Variants in ZNF324B observed in about 807,000 individuals in gnomAD.
ZNF324B encodes zinc finger protein 324B.
A neutral mutation model predicts 10.6 loss-of-function variants in ZNF324B; 7 were observed. The observed-to-expected ratio is 0.66, with a 90% CI of 0.38 to 1.24. The LOEUF is 1.24. Ranked by LOEUF, ZNF324B falls within the 50% of genes most tolerant of loss-of-function variation. The probability of loss-of-function intolerance (pLI) is 0.02; values close to 1 mark genes in which losing one functional copy is unlikely to be tolerated. For synonymous variants in ZNF324B, 316 were observed against 321.0 expected (o/e 0.98, Z 0.17); for missense variants, 640 against 764.7 (o/e 0.84, Z 1.92).
chr19:58,434,925 G>T, the ZNF324B span: 3 of 1,614,138 alleles, frequency 1.9e-6, no homozygotes, highest in South Asian at 3.3e-5. Flanking sequence ...CCCTGTCCTT[G>T]TACCATCTAA....
chr19:58,433,717 C>T, the ZNF324B span: 8 of 1,612,474 alleles, frequency 5.0e-6, no homozygotes, highest in Non-Finnish European at 5.9e-6. Flanking sequence ...GAATTTCCCA[C>T]ATTCATTGCA....
the ZNF324B span, among the ~76,000 whole-genome samples, chr19:58,424,744 A>G: frequency 1.3e-5 from 2 of 151,940 alleles, no homozygotes; most frequent in Middle Eastern, 3.4e-3. Flanking sequence ...GGGCAGGAGG[A>G]TCTTTTGAGC....
At chr19:58,445,394 T>G in the ZNF324B span, 2 of 518,248 alleles carry the variant, frequency 3.9e-6, no homozygotes, top group South Asian at 2.8e-5. Context: ...CCTCTATGAG[T>G]GCAGCCAGCA....
At chr19:58,454,510 T>C in intron 3 of ZNF324B, 166 bp downstream of exon 3, 1 of 607,356 alleles carries the variant, frequency 1.6e-6, no homozygotes, top group Non-Finnish European at 3.0e-6. Flanking sequence ...TAGGTGCCCT[T>C]GAAGGGAGAG....
chr19:58,455,249 C>G lies in ZNF324B; in HGVS notation c.305C>G (p.Pro102Arg), dbSNP rs745545576. The change falls in exon 4 of 4, where the codon CCA becomes CGA. Residue 102 changes from proline (P) to arginine (R), a missense_variant. By Grantham distance (103) the Pro-to-Arg change is moderately radical. Coordinates refer to ENST00000336614, the MANE Select transcript of ZNF324B (RefSeq NM_207395.3). This position sits in a 1 kb window ranked among gnomAD's most constrained non-coding sequence, Gnocchi z 7.0. ...GEWPRAFPDT[P>R]PGMTTSVFPV... ...TGGCCACGAGCTTTCCCAGATACCC[C>G]ACCTGGGATGACTACTAGCGTCTTC... 1.2e-6 allele frequency: 2 copies of G among 1,614,066 alleles called. No individual in the cohort carries two copies. Among genetic ancestry groups the G allele is most frequent in the African/African-American group, 2.7e-5 (2 of 74,920 alleles).
At chr19:58,427,355 T>C in the ZNF324B span, among the ~76,000 whole-genome samples, 3 of 51,076 alleles carry the variant, frequency 5.9e-5, no homozygotes, top group East Asian at 1.5e-3. Flanking sequence ...CTTTCCTTTC[T>C]TTCTTTCTTT....
At chr19:58,435,511 G>C in the ZNF324B span, 13 of 271,048 alleles carry the variant, frequency 4.8e-5, no homozygotes, top group Middle Eastern at 4.2e-4. Flanking sequence ...CATATGAAAA[G>C]AAGTTCAGCA....
At chr19:58,434,394 A>G in the ZNF324B span, 9 of 1,614,256 alleles carry the variant, frequency 5.6e-6, no homozygotes, top group Non-Finnish European at 7.6e-6. Context: ...TCCCACATTC[A>G]TCACACTCAT....
chr19:58,447,995 G>A (rs538812731), upstream of ZNF324B, among the ~76,000 whole-genome samples: 18 of 152,304 alleles, frequency 1.2e-4, no homozygotes, highest in Admixed American at 5.2e-4. Context: ...AGGCCTCCCA[G>A]CCACATGGAA....
At position 58,455,495 on chromosome 19, in the gene ZNF324B, TGCCTGGGAGGCAGCCCAGGAC is replaced by T. The variant is rs750095661; in HGVS notation, c.557_577del (p.Gly186_Pro192del). Reference sequence around the variant, plus strand: ...GAAAAGACCTTCACAGAGTACCGGGTGCCTGGGAGGCAGCCCAGGACGCCTGAGCGGCAGAAGCCATGTGCA... The same window carrying T: ...GAAAAGACCTTCACAGAGTACCGGGTGCCTGAGCGGCAGAAGCCATGTGCA... On this transcript the variant is annotated inframe_deletion, in exon 4 of 4. Transcript: ENST00000336614. This position sits in a 1 kb window ranked among gnomAD's most constrained non-coding sequence, Gnocchi z 7.0. 5 of 1,613,796 alleles carry T rather than the reference TGCCTGGGAGGCAGCCCAGGAC, an allele frequency of 3.1e-6. No homozygotes were observed. Among genetic ancestry groups the T allele is most frequent in the Non-Finnish European group, 4.2e-6 (5 of 1,179,940 alleles).
chr19:58,432,439 G>A, the ZNF324B span: 1 of 396,578 alleles, frequency 2.5e-6, no homozygotes, highest in South Asian at 1.9e-5. Context: ...ATGTGCCCTA[G>A]TTCACCAGTC....
At chr19:58,439,763 G>A in the ZNF324B span, 10 of 1,542,098 alleles carry the variant, frequency 6.5e-6, no homozygotes, top group African/African-American at 6.9e-5. Context: ...ACTTACCTGC[G>A]CCGGGCCCAT....
chr19:58,448,733 A>T (rs1227514397), upstream of ZNF324B, among the ~76,000 whole-genome samples: 1 of 152,188 alleles, frequency 6.6e-6, no homozygotes, highest in Non-Finnish European at 1.5e-5. Flanking sequence ...TCTCAAAAAA[A>T]ATAAAAATAA....
chr19:58,426,286 G>T, the ZNF324B span, among the ~76,000 whole-genome samples: 1 of 152,210 alleles, frequency 6.6e-6, no homozygotes, highest in African/African-American at 2.4e-5. Flanking sequence ...GGACAACATT[G>T]TCTGCCATCC....
chr19:58,427,358 CTTTCTTTCTTT>C, the ZNF324B span, among the ~76,000 whole-genome samples: 29 of 55,208 alleles, frequency 5.3e-4, no homozygotes, highest in African/African-American at 1.1e-3. Flanking sequence ...TCCTTTCTTT[CTTTCTTTCTTT>C]CTTTCTTTCT....
the ZNF324B span, chr19:58,434,221 C>T: frequency 1.2e-6 from 2 of 1,614,116 alleles, no homozygotes; most frequent in Non-Finnish European, 1.7e-6. Context: ...GGATTTACCA[C>T]ATTGACTGCA....
chr19:58,453,047 C>G (rs1351955198), intron 1 of ZNF324B: 1 of 151,882 alleles, frequency 6.6e-6, no homozygotes, highest in African/African-American at 2.4e-5. Flanking sequence ...TGCACTCCAG[C>G]CTGGGTGACG....
chr19:58,454,617 G>A (rs2052895264), intron 3 of ZNF324B: 1 of 562,598 alleles, frequency 1.8e-6, no homozygotes, highest in South Asian at 2.6e-5. Context: ...ATTATTGATA[G>A]GTATTTATTT....
chr19:58,434,566 C>G, the ZNF324B span: 1 of 1,614,106 alleles, frequency 6.2e-7, no homozygotes, highest in Non-Finnish European at 8.5e-7. Flanking sequence ...ACACTCCTTA[C>G]ACACATGGGG....
Sources: allele counts gnomAD v4.1 joint callset (sites outside exome capture counted in the v4.1 genomes callset), GRCh38; gene constraint gnomAD v4.1.1; non-coding constraint Gnocchi (gnomAD v3.1); transcripts MANE v1.5; gene names NCBI Gene and HGNC (gene_info 2026-07-23, HGNC 2026-07-21).